The following TCF4 variants were observed in gnomAD, a reference collection of about 807,000 sequenced individuals.
TCF4 encodes the protein SL3-3 enhancer factor 2.
TCF4 carries 3 observed loss-of-function variants against 82.1 expected under a neutral mutation model. The ratio of observed to expected loss-of-function variants is 0.04; its 90% confidence interval spans 0.02 to 0.09. The LOEUF is 0.09. Ranked by LOEUF, TCF4 falls within the 10% of genes least tolerant of loss-of-function variation. The probability of loss-of-function intolerance (pLI) is 1.00; values close to 1 mark genes in which losing one functional copy is unlikely to be tolerated. For missense variants in TCF4, 518 were observed against 852.7 expected, an observed-to-expected ratio of 0.61 and a Z score of 4.89; for synonymous variants, 276 against 309.6, an observed-to-expected ratio of 0.89 and a Z score of 1.14.
At chr18:55,442,733 C>T (rs1192240288) in intron 5 of TCF4, among the ~76,000 whole-genome samples, 3 of 152,182 alleles carry the variant, frequency 2.0e-5, no homozygotes, top group Admixed American at 6.5e-5. Flanking sequence ...CTTCCCTCTT[C>T]CGTCACACCG....
rs147916816 is a variant in TCF4 at position 55,459,783 on chromosome 18, G to A, written c.304+1236C>T. Among the ~76,000 whole-genome samples, 897 of 152,104 alleles carry A rather than the reference G, an allele frequency of 5.9e-3. 7 individuals carry two copies. The highest frequency in any genetic ancestry group is 0.021 in the African/African-American group (855 of 41,482). Reference sequence around the variant, plus strand: ...CCTGCTTGAGTTACAATGTTAAAACGTAAATATGAAATTTACTACTTTGAA... The same window carrying A: ...CCTGCTTGAGTTACAATGTTAAAACATAAATATGAAATTTACTACTTTGAA... On this transcript the variant is annotated intron_variant, in intron 5 of 19. Transcript: ENST00000354452.
intron 3 of TCF4, among the ~76,000 whole-genome samples, chr18:55,477,597 C>G (rs2096321296): frequency 1.3e-5 from 2 of 152,328 alleles, no homozygotes; most frequent in East Asian, 3.9e-4. Flanking sequence ...ATTTCACCAC[C>G]AGGGCACACG....
At chr18:55,581,723 A>G (rs965274665) in intron 3 of TCF4, among the ~76,000 whole-genome samples, 10 of 152,082 alleles carry the variant, frequency 6.6e-5, no homozygotes, top group African/African-American at 2.2e-4. Context: ...CTAAATTGGC[A>G]TATTATGTTG....
chr18:55,621,822 T>G (rs1184285996), intron 2 of TCF4, among the ~76,000 whole-genome samples: 1 of 76,292 alleles, frequency 1.3e-5, no homozygotes, highest in Admixed American at 2.7e-4. Flanking sequence ...TATTATATTA[T>G]ATAATATATA....
intron 5 of TCF4, among the ~76,000 whole-genome samples, chr18:55,436,596 T>C (rs2095334713): frequency 6.6e-6 from 1 of 152,110 alleles, no homozygotes; most frequent in South Asian, 2.1e-4. Context: ...GAAAGATATA[T>C]GAAATCTAAG....
At chr18:55,365,775 C>G (rs1444006698) in intron 6 of TCF4, among the ~76,000 whole-genome samples, 1 of 152,036 alleles carries the variant, frequency 6.6e-6, no homozygotes, top group Non-Finnish European at 1.5e-5. Context: ...GCCTGTTATT[C>G]CAGCTACTGA....
chr18:55,417,741 T>TA (rs945024769), intron 5 of TCF4, among the ~76,000 whole-genome samples: 2 of 152,210 alleles, frequency 1.3e-5, no homozygotes, highest in African/African-American at 4.8e-5. Flanking sequence ...GATTTGTACT[T>TA]AATCAAGATA....
chr18:55,263,322 T>C (rs1450913520), intron 11 of TCF4, among the ~76,000 whole-genome samples: 1 of 152,060 alleles, frequency 6.6e-6, no homozygotes, highest in Non-Finnish European at 1.5e-5. Flanking sequence ...GAAATGAGGG[T>C]CTGACATCAT....
chr18:55,352,528 T>C (rs1250571685), intron 6 of TCF4, among the ~76,000 whole-genome samples: 3 of 152,142 alleles, frequency 2.0e-5, no homozygotes, highest in Non-Finnish European at 4.4e-5. Context: ...AGATTTCAGA[T>C]TGAAAGCACA....
At chr18:55,564,662 T>C (rs2097385875) in intron 3 of TCF4, among the ~76,000 whole-genome samples, 1 of 152,074 alleles carries the variant, frequency 6.6e-6, no homozygotes, top group Admixed American at 6.6e-5. Flanking sequence ...GAAAATCAAA[T>C]ATAACATACA....
At chr18:55,299,011 G>C (rs2067318335) in intron 8 of TCF4, among the ~76,000 whole-genome samples, 1 of 152,044 alleles carries the variant, frequency 6.6e-6, no homozygotes, top group South Asian at 2.1e-4. Flanking sequence ...ACTACCTTTT[G>C]ATAAAGATCA....
At chr18:55,545,950 T>C (rs1460150969) in intron 3 of TCF4, among the ~76,000 whole-genome samples, 1 of 152,198 alleles carries the variant, frequency 6.6e-6, no homozygotes, top group African/African-American at 2.4e-5. Flanking sequence ...AAGAGTTTCA[T>C]TCAGGGCTGC....
chr18:55,279,450 C>T, intron 9 of TCF4, 101 bp downstream of exon 9: 1 of 1,557,760 alleles, frequency 6.4e-7, no homozygotes, highest in South Asian at 1.2e-5. Flanking sequence ...AAAAATTCTA[C>T]ACTTGCCTAC....
intron 15 of TCF4, among the ~76,000 whole-genome samples, chr18:55,250,261 T>G (rs2054603209): frequency 1.3e-5 from 2 of 152,150 alleles, no homozygotes; most frequent in South Asian, 4.1e-4. Context: ...TAAGAATAAG[T>G]GCATAGATAA....
chr18:55,342,631 C>A (rs1404611798), intron 8 of TCF4, among the ~76,000 whole-genome samples: 1 of 152,132 alleles, frequency 6.6e-6, no homozygotes, highest in Non-Finnish European at 1.5e-5. Flanking sequence ...CTAAACACTG[C>A]TGCCTCCTTA....
At chr18:55,452,264 A>G (rs2095638939) in intron 5 of TCF4, among the ~76,000 whole-genome samples, 1 of 152,128 alleles carries the variant, frequency 6.6e-6, no homozygotes, top group African/African-American at 2.4e-5. Flanking sequence ...GTTGTCTAAA[A>G]CTAAATGTCT....
chr18:55,487,459 C>T (rs770991752), intron 3 of TCF4, among the ~76,000 whole-genome samples: 80 of 152,300 alleles, frequency 5.3e-4, no homozygotes, highest in South Asian at 1.0e-3. Context: ...GCTCAATGAA[C>T]ATTTGTCATG....
At chr18:55,304,209 G>C (rs1439313456) in intron 8 of TCF4, among the ~76,000 whole-genome samples, 2 of 152,098 alleles carry the variant, frequency 1.3e-5, no homozygotes, top group African/African-American at 4.8e-5. Context: ...TGGCCAAGGT[G>C]GTCTGCATTT....
At chr18:55,234,013 T>A (rs2048649544) in intron 16 of TCF4, among the ~76,000 whole-genome samples, 1 of 152,010 alleles carries the variant, frequency 6.6e-6, no homozygotes. Context: ...AAGCGACTCC[T>A]AGTCAGCTGG....
Sources: gnomAD v4.1 joint callset for allele counts (sites outside exome capture counted in the v4.1 genomes callset) on GRCh38, gnomAD v4.1.1 for gene constraint, MANE v1.5 for transcripts, NCBI Gene and HGNC (gene_info 2026-07-23, HGNC 2026-07-21) for gene names.